The following MCC variants were observed in gnomAD, a reference collection of about 807,000 sequenced individuals.
The protein encoded by MCC is MCC regulator of Wnt signaling pathway, also known as colorectal mutant cancer protein.
In MCC, 90 loss-of-function variants were observed where a neutral mutation model predicts 116.2. The observed-to-expected ratio is 0.77, with a 90% confidence interval of 0.65 to 0.92. MCC has a LOEUF of 0.92. MCC is among the 40% of genes least tolerant of loss of function. The pLI is 0.00. For synonymous variants in MCC, 578 were observed against 510.5 expected (o/e 1.13, Z -1.78); for missense variants, 1,516 against 1,312.2 (o/e 1.16, Z -2.40).
intron 6 of MCC, among the ~76,000 whole-genome samples, chr5:113,105,235 C>A (rs531547879): frequency 6.6e-6 from 1 of 152,188 alleles, no homozygotes; most frequent in African/African-American, 2.4e-5. Flanking sequence ...TACGTCCAGC[C>A]TAACCCTGCA....
chr5:113,222,605 T>C (rs1763592473), intron 3 of MCC, among the ~76,000 whole-genome samples: 1 of 152,184 alleles, frequency 6.6e-6, no homozygotes, highest in African/African-American at 2.4e-5. Context: ...ATTAACAGGA[T>C]AAAAATACAT....
chr5:113,129,563 T>C (rs1332143249), intron 5 of MCC, among the ~76,000 whole-genome samples: 1 of 152,234 alleles, frequency 6.6e-6, no homozygotes, highest in East Asian at 1.9e-4. Flanking sequence ...TGGCTGACTT[T>C]TCCCTGTGTC....
At chr5:113,082,534 A>G (rs773408503) in intron 11 of MCC, among the ~76,000 whole-genome samples, 2 of 152,250 alleles carry the variant, frequency 1.3e-5, no homozygotes, top group Non-Finnish European at 2.9e-5. Context: ...TGTAATTTGC[A>G]AGGTCCAGTG....
Position 113,025,256 on chromosome 5 carries a change from T to TTGG in MCC, c.*2045_*2046insCCA, listed in dbSNP as rs1026105264. On this transcript the variant is annotated 3_prime_UTR_variant, in exon 19 of 19. Transcript: ENST00000408903. ...TAGTGAAAACTGATTTTTTTTTTTT[T>TTGG]GGGGCATATGTTTTTCAGCCAAAAC... 9 of 151,136 alleles carry TTGG rather than the reference T, an allele frequency of 6.0e-5. No homozygotes were observed. Among genetic ancestry groups the TTGG allele is most frequent in the African/African-American group, 1.9e-4 (8 of 41,150 alleles). 9.4% of individuals were successfully genotyped at this position (151,136 alleles called of 1,614,324 possible).
chr5:113,277,980 C>T (rs532469917), intron 3 of MCC, among the ~76,000 whole-genome samples: 11 of 152,168 alleles, frequency 7.2e-5, no homozygotes, highest in Admixed American at 2.6e-4. Flanking sequence ...TCATTCCTCA[C>T]GAACTGGATT....
intron 5 of MCC, among the ~76,000 whole-genome samples, chr5:113,141,857 C>G (rs1003098886): frequency 5.9e-5 from 9 of 152,144 alleles, no homozygotes; most frequent in Non-Finnish European, 1.3e-4. Flanking sequence ...TTTTTCACAA[C>G]TTACTGAGCC....
intron 14 of MCC, among the ~76,000 whole-genome samples, chr5:113,058,313 G>A (rs1051913165): frequency 2.6e-5 from 4 of 152,296 alleles, no homozygotes; most frequent in African/African-American, 9.6e-5. Context: ...TAGCAGGACT[G>A]GTCCACCCCA....
At chr5:113,487,305 C>G (rs1402448810) in intron 1 of MCC, among the ~76,000 whole-genome samples, 1 of 151,958 alleles carries the variant, frequency 6.6e-6, no homozygotes, top group African/African-American at 2.4e-5. Context: ...TAATGCACAA[C>G]TTAGGCTGCT....
rs949470617 is a variant in MCC at position 113,315,006 on chromosome 5, T to C, written c.627+25513A>G. Among the ~76,000 whole-genome samples the C allele has an allele frequency of 2.0e-4, 30 of 152,180 alleles. 1 individual carries two copies. The highest frequency in any genetic ancestry group is 1.9e-3 in the Admixed American group (29 of 15,270). The stretch of plus-strand genomic sequence containing the variant: ...GGATTCTGGCCTTTGATTCTCATAT[T>C]CTCTTGATTTGTAGAGTTAATCTGC... On this transcript the variant is annotated intron_variant, in intron 3 of 18. Coordinates refer to ENST00000408903, the MANE Select transcript of MCC (RefSeq NM_001085377.2).
chr5:113,053,202 GATCCAC>G (rs1326379500), intron 15 of MCC, among the ~76,000 whole-genome samples: 1 of 152,124 alleles, frequency 6.6e-6, no homozygotes, highest in Non-Finnish European at 1.5e-5. Flanking sequence ...CAGTGTTTCA[GATCCAC>G]TGAAACACTG....
At chr5:113,180,730 C>T (rs1401715120) in intron 3 of MCC, among the ~76,000 whole-genome samples, 1 of 152,128 alleles carries the variant, frequency 6.6e-6, no homozygotes, top group Admixed American at 6.5e-5. Context: ...AATTTTTCCT[C>T]TATACAACAG....
chr5:113,096,234 G>A (rs1455888239), intron 8 of MCC, among the ~76,000 whole-genome samples: 2 of 152,254 alleles, frequency 1.3e-5, no homozygotes, highest in East Asian at 3.9e-4. Flanking sequence ...GGAAGTAGAG[G>A]ACACTTGGAG....
chr5:113,205,001 G>A (rs1762850261), intron 3 of MCC, among the ~76,000 whole-genome samples: 1 of 152,080 alleles, frequency 6.6e-6, no homozygotes, highest in Admixed American at 6.5e-5. Context: ...TGGGGCTATG[G>A]ACTGGTTTTA....
chr5:113,465,032 A>G (rs1055250246), intron 1 of MCC, among the ~76,000 whole-genome samples: 1 of 152,116 alleles, frequency 6.6e-6, no homozygotes, highest in Non-Finnish European at 1.5e-5. Flanking sequence ...CCTATTTCCA[A>G]TTAAAATTCA....
chr5:113,106,829 A>T (rs1301825394), intron 6 of MCC, among the ~76,000 whole-genome samples: 2 of 152,200 alleles, frequency 1.3e-5, no homozygotes, highest in African/African-American at 4.8e-5. Flanking sequence ...GAGATAATTG[A>T]CATGAGCCAC....
chr5:113,165,655 A>T (rs1223622719), intron 3 of MCC, among the ~76,000 whole-genome samples: 1 of 152,186 alleles, frequency 6.6e-6, no homozygotes. Context: ...GGCTGATAAA[A>T]GAAACGTTTC....
chr5:113,090,194 G>A (rs1755503353), intron 8 of MCC, among the ~76,000 whole-genome samples: 1 of 152,064 alleles, frequency 6.6e-6, no homozygotes, highest in Admixed American at 6.6e-5. Context: ...TTTTCTCGGG[G>A]AGAAAAGGAA....
intron 17 of MCC, among the ~76,000 whole-genome samples, chr5:113,034,076 T>TTC (rs1393827027): frequency 6.6e-6 from 1 of 151,650 alleles, no homozygotes; most frequent in African/African-American, 2.4e-5. Context: ...TTTTTTTTTT[T>TTC]TTTGTAGAGA....
intron 1 of MCC, chr5:113,433,354 GA>G (rs1770726096): frequency 2.4e-6 from 1 of 412,972 alleles, no homozygotes; most frequent in South Asian, 2.1e-5. Flanking sequence ...CTGCCCCGGG[GA>G]CGATGAAAGG....
Sources: gnomAD v4.1 joint callset for allele counts (sites outside exome capture counted in the v4.1 genomes callset) on GRCh38, gnomAD v4.1.1 for gene constraint, MANE v1.5 for transcripts, NCBI Gene and HGNC (gene_info 2026-07-23, HGNC 2026-07-21) for gene names.